The following ZNF385D variants were observed in gnomAD, a reference collection of about 807,000 sequenced individuals.
The protein encoded by ZNF385D is zinc finger protein 659.
ZNF385D carries 15 observed loss-of-function variants against 35.8 expected under a neutral mutation model. The observed-to-expected ratio is 0.42, with a 90% confidence interval of 0.28 to 0.64. The LOEUF is 0.64. ZNF385D is among the 30% of genes least tolerant of loss of function. The pLI is 0.23. For missense variants in ZNF385D, 474 were observed against 494.6 expected (o/e 0.96, Z 0.39); for synonymous variants, 212 against 186.8 (o/e 1.13, Z -1.10).
intron 3 of ZNF385D, among the ~76,000 whole-genome samples, chr3:21,950,094 ATGGT>A (rs1701992669): frequency 6.7e-6 from 1 of 148,940 alleles, no homozygotes; most frequent in Non-Finnish European, 1.5e-5. Flanking sequence ...GTTGAGTTAA[ATGGT>A]ATTTCTGGTT....
chr3:21,880,032 T>C (rs1240476372), intron 3 of ZNF385D, among the ~76,000 whole-genome samples: 1 of 151,962 alleles, frequency 6.6e-6, no homozygotes, highest in African/African-American at 2.4e-5. Flanking sequence ...ATTTTTTAAA[T>C]ATGTAAAAAT....
chr3:21,452,549 A>G (rs1182836456), intron 4 of ZNF385D, among the ~76,000 whole-genome samples: 1 of 152,004 alleles, frequency 6.6e-6, no homozygotes, highest in Non-Finnish European at 1.5e-5. Flanking sequence ...AGAACCCCCA[A>G]AACTAATTTC....
intron 2 of ZNF385D, among the ~76,000 whole-genome samples, chr3:22,197,131 T>A (rs1486305174): frequency 1.3e-5 from 2 of 152,058 alleles, no homozygotes; most frequent in African/African-American, 2.4e-5. Flanking sequence ...TGTCTTTCCC[T>A]TTTAAAGGTG....
intron 4 of ZNF385D, among the ~76,000 whole-genome samples, chr3:21,466,007 T>C (rs1406273201): frequency 6.6e-6 from 1 of 152,196 alleles, no homozygotes; most frequent in Non-Finnish European, 1.5e-5. Context: ...TCATTTCTAA[T>C]AGCAGAGTGG....
chr3:21,941,490 C>CTTTTTTT (rs531693623), intron 3 of ZNF385D, among the ~76,000 whole-genome samples: 24 of 63,618 alleles, frequency 3.8e-4, no homozygotes, highest in African/African-American at 4.7e-4. Flanking sequence ...TTCCATTACT[C>CTTTTTTT]TTTTTTTTTT....
chr3:21,701,444 A>G (rs528251673), intron 1 of ZNF385D, among the ~76,000 whole-genome samples: 46 of 152,250 alleles, frequency 3.0e-4, no homozygotes, highest in Non-Finnish European at 4.9e-4. Flanking sequence ...CCCTCCCACA[A>G]CATATGGGAA....
intron 3 of ZNF385D, among the ~76,000 whole-genome samples, chr3:21,865,678 A>G (rs1322790630): frequency 6.6e-6 from 1 of 152,148 alleles, no homozygotes; most frequent in African/African-American, 2.4e-5. Flanking sequence ...TTATAGTTTG[A>G]GGAACTTAGT....
intron 3 of ZNF385D, among the ~76,000 whole-genome samples, chr3:22,015,386 T>C (rs1013251834): frequency 5.3e-5 from 8 of 152,160 alleles, no homozygotes; most frequent in Admixed American, 2.6e-4. Flanking sequence ...CATGAACACC[T>C]AAGTCAACTT....
chr3:21,804,099 G>C (rs2072527869), intron 3 of ZNF385D, among the ~76,000 whole-genome samples: 1 of 152,120 alleles, frequency 6.6e-6, no homozygotes, highest in Non-Finnish European at 1.5e-5. Flanking sequence ...AATCAGTGCT[G>C]CCACAAGGAA....
intron 3 of ZNF385D, among the ~76,000 whole-genome samples, chr3:21,859,521 G>A (rs958308670): frequency 3.9e-5 from 6 of 151,930 alleles, no homozygotes; most frequent in African/African-American, 7.2e-5. Flanking sequence ...TCAGAGGCCC[G>A]TGGAATAGAG....
intron 3 of ZNF385D, among the ~76,000 whole-genome samples, chr3:22,129,190 G>C (rs944180181): frequency 4.0e-5 from 6 of 151,196 alleles, no homozygotes; most frequent in African/African-American, 1.2e-4. Flanking sequence ...AACAAACAGA[G>C]TCTCTCTCTC....
chr3:21,956,220 G>A (rs1014009735), intron 3 of ZNF385D, among the ~76,000 whole-genome samples: 1 of 151,250 alleles, frequency 6.6e-6, no homozygotes, highest in South Asian at 2.1e-4. Context: ...GTGAAAGAAA[G>A]AAAGAAAAGA....
intron 2 of ZNF385D, among the ~76,000 whole-genome samples, chr3:22,210,980 T>C (rs1161077879): frequency 6.6e-6 from 1 of 151,974 alleles, no homozygotes; most frequent in Non-Finnish European, 1.5e-5. Flanking sequence ...AAAACAAGTT[T>C]TGAAAATAGG....
At chr3:21,549,254 T>C (rs761418664) in intron 3 of ZNF385D, among the ~76,000 whole-genome samples, 2 of 152,236 alleles carry the variant, frequency 1.3e-5, no homozygotes, top group Non-Finnish European at 2.9e-5. Flanking sequence ...CAAAGCCTGA[T>C]TCGAAGAGTC....
At chr3:22,350,443 G>A (rs1317167189) in intron 2 of ZNF385D, among the ~76,000 whole-genome samples, 7 of 151,940 alleles carry the variant, frequency 4.6e-5, no homozygotes, top group Non-Finnish European at 1.5e-5. Flanking sequence ...AAAATATATT[G>A]CCCTATTAAT....
chr3:21,820,340 A>G (rs553931144), intron 3 of ZNF385D, among the ~76,000 whole-genome samples: 1 of 152,018 alleles, frequency 6.6e-6, no homozygotes, highest in South Asian at 2.1e-4. Context: ...AAGAAAATGA[A>G]AAGAAAAACA....
At chr3:22,186,661 G>GA (rs1695655280) in intron 2 of ZNF385D, among the ~76,000 whole-genome samples, 1 of 151,862 alleles carries the variant, frequency 6.6e-6, no homozygotes, top group Non-Finnish European at 1.5e-5. Flanking sequence ...ATATATTTTT[G>GA]GTCTCATGAG....
chr3:22,295,556 G>A (rs1319934058), intron 2 of ZNF385D, among the ~76,000 whole-genome samples: 3 of 152,124 alleles, frequency 2.0e-5, no homozygotes, highest in Non-Finnish European at 2.9e-5. Flanking sequence ...ATTCATATAT[G>A]ACAGCATATA....
chr3:21,525,708 T>C (rs1240654391), intron 3 of ZNF385D, among the ~76,000 whole-genome samples: 2 of 136,940 alleles, frequency 1.5e-5, no homozygotes, highest in African/African-American at 5.3e-5. Flanking sequence ...AAAAAAAAAC[T>C]ATTAAAATTT....
Sources: allele counts gnomAD v4.1 joint callset (sites outside exome capture counted in the v4.1 genomes callset), GRCh38; gene constraint gnomAD v4.1.1; transcripts MANE v1.5; gene names NCBI Gene and HGNC (gene_info 2026-07-23, HGNC 2026-07-21).